Variants in CTNNA3 observed in about 807,000 individuals in gnomAD.
The protein encoded by CTNNA3 is catenin alpha-3.
CTNNA3 carries 76 observed loss-of-function variants against 95.7 expected under a neutral mutation model. That is an observed-to-expected ratio of 0.79 (90% CI 0.66 to 0.96). CTNNA3 has a LOEUF of 0.96. Ranked by LOEUF, CTNNA3 falls within the 40% of genes least tolerant of loss-of-function variation. CTNNA3 has a pLI of 0.00. For missense variants in CTNNA3, 1,191 were observed against 1,089.8 expected (o/e 1.09, Z -1.31); for synonymous variants, 431 against 374.4 (o/e 1.15, Z -1.74).
chr10:66,998,581 C>T (rs1377371382), intron 7 of CTNNA3, among the ~76,000 whole-genome samples: 1 of 151,998 alleles, frequency 6.6e-6, no homozygotes, highest in Non-Finnish European at 1.5e-5. Flanking sequence ...GAAAGTGAGA[C>T]ACTTGTAGAG....
intron 7 of CTNNA3, among the ~76,000 whole-genome samples, chr10:66,938,620 G>A (rs976975072): frequency 7.2e-5 from 11 of 152,242 alleles, no homozygotes; most frequent in African/African-American, 1.4e-4. Flanking sequence ...GATAATCCAC[G>A]TGTGAGTAGA....
At chr10:66,243,817 G>A (rs1043478702) in intron 13 of CTNNA3, among the ~76,000 whole-genome samples, 3 of 152,304 alleles carry the variant, frequency 2.0e-5, no homozygotes, top group African/African-American at 7.2e-5. Flanking sequence ...GTTGACCAAA[G>A]AGCCCTTGGG....
intron 14 of CTNNA3, among the ~76,000 whole-genome samples, chr10:66,091,524 C>T (rs558926061): frequency 2.6e-5 from 4 of 151,696 alleles, no homozygotes; most frequent in African/African-American, 4.8e-5. Flanking sequence ...TGGGGGAATA[C>T]ATCATGGGAA....
At chr10:67,068,403 G>A (rs1488914969) in intron 7 of CTNNA3, among the ~76,000 whole-genome samples, 2 of 152,142 alleles carry the variant, frequency 1.3e-5, no homozygotes, top group African/African-American at 2.4e-5. Context: ...GGGGACATTC[G>A]ATGGATCTGT....
At chr10:66,844,144 T>C (rs956480204) in intron 7 of CTNNA3, among the ~76,000 whole-genome samples, 1 of 152,228 alleles carries the variant, frequency 6.6e-6, no homozygotes, top group African/African-American at 2.4e-5. Flanking sequence ...TTCTTCTAAA[T>C]AAGAATTTAC....
chr10:66,017,278 G>A lies in CTNNA3; in HGVS notation c.2160-28481C>T, dbSNP rs149444507. Among the ~76,000 whole-genome samples, 7 of 152,152 alleles carry A rather than the reference G, an allele frequency of 4.6e-5. No homozygotes were observed. In the East Asian group the frequency reaches 1.4e-3, roughly 29 times the overall value. On this transcript the variant is annotated intron_variant, in intron 15 of 17. Coordinates refer to ENST00000433211, the MANE Select transcript of CTNNA3 (RefSeq NM_013266.4). ...GTGCCTTATTAATCCTATGAAGTCA[G>A]TCATATGGTGATAAAACAGATACAA...
chr10:66,845,730 C>CAAAAA (rs1843242697), intron 7 of CTNNA3, among the ~76,000 whole-genome samples: 11 of 26,698 alleles, frequency 4.1e-4, no homozygotes, highest in Non-Finnish European at 7.0e-4. Flanking sequence ...AAAAAAAAAA[C>CAAAAA]TAAAAAGGTG....
At chr10:66,208,656 T>C (rs907676049) in intron 13 of CTNNA3, among the ~76,000 whole-genome samples, 1 of 152,072 alleles carries the variant, frequency 6.6e-6, no homozygotes, top group African/African-American at 2.4e-5. Flanking sequence ...GGGTAGAAAG[T>C]AAAGTCAGTA....
chr10:66,333,975 A>T (rs1409468041), intron 12 of CTNNA3, among the ~76,000 whole-genome samples: 2 of 152,022 alleles, frequency 1.3e-5, no homozygotes, highest in Admixed American at 6.6e-5. Flanking sequence ...TCCCTTTAAC[A>T]TTATGTAATG....
At chr10:67,026,743 T>C (rs933450458) in intron 7 of CTNNA3, among the ~76,000 whole-genome samples, 8 of 152,198 alleles carry the variant, frequency 5.3e-5, no homozygotes, top group Non-Finnish European at 1.2e-4. Flanking sequence ...ACCTCTTCTG[T>C]CTGGTTCTTA....
chr10:67,194,273 T>C (rs548677203), intron 6 of CTNNA3, among the ~76,000 whole-genome samples: 17 of 152,206 alleles, frequency 1.1e-4, no homozygotes, highest in African/African-American at 3.4e-4. Flanking sequence ...TGGATGTTTA[T>C]AGCAGCTTTA....
chr10:67,001,578 C>G (rs1399102342), intron 7 of CTNNA3, among the ~76,000 whole-genome samples: 1 of 151,902 alleles, frequency 6.6e-6, no homozygotes, highest in Non-Finnish European at 1.5e-5. Context: ...TATAATATAT[C>G]ATTACTATGT....
At chr10:66,549,967 A>T (rs564638140) in intron 10 of CTNNA3, among the ~76,000 whole-genome samples, 1 of 152,290 alleles carries the variant, frequency 6.6e-6, no homozygotes, top group African/African-American at 2.4e-5. Context: ...CTATTATACT[A>T]ATAAGATAAA....
intron 5 of CTNNA3, among the ~76,000 whole-genome samples, chr10:67,331,265 G>A (rs1403263720): frequency 6.6e-6 from 1 of 152,070 alleles, no homozygotes; most frequent in African/African-American, 2.4e-5. Flanking sequence ...GGCACAAAAT[G>A]ATTATCTTAC....
chr10:66,818,847 T>C (rs779481167), intron 7 of CTNNA3, among the ~76,000 whole-genome samples: 1 of 152,096 alleles, frequency 6.6e-6, no homozygotes, highest in African/African-American at 2.4e-5. Context: ...CCCAGCACTT[T>C]GGGAGGCCAA....
chr10:67,639,931 A>T (rs1301248036), intron 2 of CTNNA3, among the ~76,000 whole-genome samples: 1 of 152,136 alleles, frequency 6.6e-6, no homozygotes, highest in South Asian at 2.1e-4. Flanking sequence ...GAAGAATTCC[A>T]TTTGAAAACT....
intron 11 of CTNNA3, among the ~76,000 whole-genome samples, chr10:66,444,597 T>C (rs1046942784): frequency 6.6e-6 from 1 of 151,912 alleles, no homozygotes; most frequent in Non-Finnish European, 1.5e-5. Flanking sequence ...GAAGGAGAAA[T>C]AAAATACTTT....
chr10:66,632,707 T>C (rs10997273), intron 9 of CTNNA3, among the ~76,000 whole-genome samples: 49,492 of 151,754 alleles, frequency 0.33, 8,516 homozygotes, highest in African/African-American at 0.38. Flanking sequence ...TGCAATTATG[T>C]AAAAAGGCTA....
intron 9 of CTNNA3, among the ~76,000 whole-genome samples, chr10:66,713,631 G>A (rs1215176033): frequency 6.6e-6 from 1 of 152,036 alleles, no homozygotes; most frequent in Non-Finnish European, 1.5e-5. Context: ...CCACCACAGA[G>A]TCTCATTCTT....
Sources: gnomAD v4.1 joint callset for allele counts (sites outside exome capture counted in the v4.1 genomes callset) on GRCh38, gnomAD v4.1.1 for gene constraint, MANE v1.5 for transcripts, NCBI Gene and HGNC (gene_info 2026-07-23, HGNC 2026-07-21) for gene names.